MRPL45: variants seen among roughly 807,000 people sequenced by gnomAD.
The protein encoded by MRPL45 is large ribosomal subunit protein mL45.
In MRPL45, 20 loss-of-function variants were observed where a neutral mutation model predicts 38.1. The observed-to-expected ratio is 0.53, with a 90% CI of 0.37 to 0.76. The LOEUF (loss-of-function observed/expected upper bound fraction) is 0.76. MRPL45 is among the 30% of genes least tolerant of loss of function. The pLI is 0.00. For synonymous variants in MRPL45, 105 were observed against 128.8 expected, an observed-to-expected ratio of 0.82 and a Z score of 1.25; for missense variants, 337 against 395.6, an observed-to-expected ratio of 0.85 and a Z score of 1.26.
intron 6 of MRPL45, among the ~76,000 whole-genome samples, chr17:38,321,086 C>T (rs962098909): frequency 6.6e-6 from 1 of 152,170 alleles, no homozygotes; most frequent in Non-Finnish European, 1.5e-5. Context: ...AAGCAATCCT[C>T]CCACCTCAGC....
At chr17:38,305,960 A>G (rs1260137256) in intron 3 of MRPL45, among the ~76,000 whole-genome samples, 2 of 151,866 alleles carry the variant, frequency 1.3e-5, no homozygotes, top group Admixed American at 1.3e-4. Context: ...ACTCTTGAGC[A>G]TTTGTAAGAA....
At chr17:38,315,428 T>A (rs1304774682) in intron 4 of MRPL45, among the ~76,000 whole-genome samples, 2 of 151,846 alleles carry the variant, frequency 1.3e-5, no homozygotes, top group Non-Finnish European at 2.9e-5. Context: ...CTAATTTTTT[T>A]TTTTTTTTTC....
intron 4 of MRPL45, among the ~76,000 whole-genome samples, chr17:38,312,984 G>GTTTTTT (rs71138604): frequency 9.7e-5 from 11 of 113,672 alleles, no homozygotes; most frequent in South Asian, 2.7e-4. Flanking sequence ...CTTTTTATTG[G>GTTTTTT]TTTTTTTTTT....
In MRPL45 at chr17:38,297,367, C is replaced by T. The variant is rs549029816; in HGVS notation, c.66+118C>T. The T allele has an allele frequency of 2.1e-4, 210 of 983,616 alleles. 1 individual carries two copies. The African/African-American group carries it at 2.6e-3, about 12-fold the overall frequency. 60.9% of individuals were successfully genotyped at this position (983,616 alleles called of 1,614,324 possible). A position where few individuals can be genotyped will look rare whatever the true frequency, so the allele number is the denominator to read the frequency against. On this transcript the variant is annotated intron_variant, in intron 1 of 7. Transcript: ENST00000613675. ...GGGACAATACGAGTCATACCTAGGC[C>T]GGGGAAGAGGCTTAGGTGGACAGGA... is the stretch of plus-strand genomic sequence containing the variant.
At chr17:38,322,060 A>G in intron 6 of MRPL45, 66 bp from the exon 7 acceptor site, 1 of 1,528,150 alleles carries the variant, frequency 6.5e-7, no homozygotes, top group Non-Finnish European at 8.9e-7. Flanking sequence ...GTATGGCAAT[A>G]AAACAAACAA....
At chr17:38,311,980 A>C (rs2144223145) in intron 4 of MRPL45, among the ~76,000 whole-genome samples, 1 of 151,812 alleles carries the variant, frequency 6.6e-6, no homozygotes, top group East Asian at 1.9e-4. Context: ...TAGTTCACTT[A>C]GCATGATGTC....
chr17:38,300,293 G>A (rs2036980248), intron 3 of MRPL45, among the ~76,000 whole-genome samples: 2 of 152,100 alleles, frequency 1.3e-5, no homozygotes, highest in African/African-American at 4.8e-5. Flanking sequence ...TGGGATTACA[G>A]GCGTGAGCCA....
At chr17:38,322,072 TCA>T (rs1308802274) in intron 6 of MRPL45, 52 bp from the exon 7 acceptor site, 1 of 1,506,256 alleles carries the variant, frequency 6.6e-7, no homozygotes, top group East Asian at 2.3e-5. Context: ...AACAAACAAC[TCA>T]CACTCACACA....
intron 4 of MRPL45, among the ~76,000 whole-genome samples, chr17:38,317,720 T>C (rs1044939192): frequency 2.0e-5 from 3 of 151,868 alleles, no homozygotes; most frequent in Non-Finnish European, 2.9e-5. Flanking sequence ...TACAGGCGCC[T>C]GCTACTACTC....
intron 4 of MRPL45, among the ~76,000 whole-genome samples, chr17:38,313,323 TATATATATAC>T (rs1370446128): frequency 0.016 from 364 of 22,312 alleles, 9 homozygotes; most frequent in Non-Finnish European, 0.02. Flanking sequence ...TATATATATA[TATATATATAC>T]ATATATATAT....
At chr17:38,322,086 C>CA (rs754535819) in intron 6 of MRPL45, 40 bp from the exon 7 acceptor site, 3 of 1,595,342 alleles carry the variant, frequency 1.9e-6, no homozygotes, top group South Asian at 1.1e-5. Context: ...ACTCACACAC[C>CA]AAAAAAACTA....
At chr17:38,314,820 C>G (rs1047849066) in intron 4 of MRPL45, among the ~76,000 whole-genome samples, 2 of 152,244 alleles carry the variant, frequency 1.3e-5, no homozygotes, top group Admixed American at 6.5e-5. Context: ...GCATGGGCCA[C>G]CGCCTGTCCT....
Position 38,320,640 on chromosome 17 carries a change from A to C in MRPL45, c.533A>C (p.Tyr178Ser), listed in dbSNP as rs377038278. 1 of 1,614,176 alleles carries C rather than the reference A, an allele frequency of 6.2e-7. No homozygotes were observed. The highest frequency in any genetic ancestry group is 8.5e-7 in the Non-Finnish European group (1 of 1,180,042). The change falls in exon 6 of 8, where the codon TAT becomes TCT. Residue 178 changes from tyrosine (Y) to serine (S), a missense_variant. This residue lies in a region of MRPL45 where 251 missense variants were observed against 269.1 expected (regional missense o/e 0.93). Coordinates refer to ENST00000613675, the MANE Select transcript of MRPL45 (RefSeq NM_032351.6). ...CFPDMTWDIK[Y>S]KTVRWSFVES... is the part of the protein sequence containing the mutation. Reference sequence around the variant, plus strand: ...TAGGACATGACTTGGGACATCAAATATAAGACCGTCCGCTGGAGCTTTGTG... The same window carrying C: ...TAGGACATGACTTGGGACATCAAATCTAAGACCGTCCGCTGGAGCTTTGTG...
At chr17:38,320,433 A>G (rs73302943) in intron 5 of MRPL45, among the ~76,000 whole-genome samples, 185 bp from the exon 6 acceptor site, 133,472 of 152,100 alleles carry the variant, frequency 0.88, 58,867 homozygotes, top group Admixed American at 0.93. Context: ...GTTGTCAGGT[A>G]AGCTTGACCA....
rs373608902 is a variant in MRPL45 at position 38,320,613 on chromosome 17, C to G, written c.511-5C>G. 1 of 1,613,870 alleles carries G rather than the reference C, an allele frequency of 6.2e-7. No homozygotes were observed. The highest frequency in any genetic ancestry group is 1.3e-5 in the African/African-American group (1 of 74,902). ...GCAGTTGAACTTGTTCTCCTTTGCC[C>G]TTAGGACATGACTTGGGACATCAAA... On this transcript the variant is annotated splice_polypyrimidine_tract_variant and splice_region_variant and intron_variant, in intron 5 of 7. Transcript: ENST00000613675.
chr17:38,320,292 T>A (rs1235108106), intron 5 of MRPL45, among the ~76,000 whole-genome samples: 1 of 152,058 alleles, frequency 6.6e-6, no homozygotes, highest in African/African-American at 2.4e-5. Flanking sequence ...AATTGCCACA[T>A]TATGAAAGTG....
intron 4 of MRPL45, among the ~76,000 whole-genome samples, chr17:38,313,347 C>A (rs1310046041): frequency 5.5e-5 from 1 of 18,094 alleles, no homozygotes; most frequent in Non-Finnish European, 9.9e-5. Context: ...TATATATATA[C>A]GTATATATAT....
chr17:38,315,425 T>A (rs1189187661), intron 4 of MRPL45, among the ~76,000 whole-genome samples: 1 of 151,872 alleles, frequency 6.6e-6, no homozygotes, highest in Non-Finnish European at 1.5e-5. Flanking sequence ...TGGCTAATTT[T>A]TTTTTTTTTT....
chr17:38,299,767 G>A (rs188595475), intron 3 of MRPL45, among the ~76,000 whole-genome samples: 229 of 150,018 alleles, frequency 1.5e-3, no homozygotes, highest in African/African-American at 5.3e-3. Context: ...ATGGAGTTTC[G>A]CTCTTGTTGC....
Sources: allele counts gnomAD v4.1 joint callset (sites outside exome capture counted in the v4.1 genomes callset), GRCh38; gene constraint gnomAD v4.1.1; regional missense constraint gnomAD v4.1.1; transcripts MANE v1.5; gene names NCBI Gene and HGNC (gene_info 2026-07-23, HGNC 2026-07-21).